The following PIR variants were observed in gnomAD, a reference collection of about 807,000 sequenced individuals.
The protein encoded by PIR is pirin, also known as pirin (iron-binding nuclear protein).
Under a neutral mutation model 24.2 loss-of-function variants are expected in PIR, and 22 were observed. The observed-to-expected ratio is 0.91, with a 90% CI of 0.65 to 1.30. The LOEUF is 1.30. Ranked by LOEUF, PIR falls within the 50% of genes most tolerant of loss-of-function variation. The probability of loss-of-function intolerance (pLI) is 0.00; values close to 1 mark genes in which losing one functional copy is unlikely to be tolerated. For missense variants in PIR, 220 were observed against 220.3 expected, an observed-to-expected ratio of 1.00 and a Z score of 0.01; for synonymous variants, 80 against 79.6, an observed-to-expected ratio of 1.00 and a Z score of -0.03.
At chrX:15,467,369 A>T (rs1258886044) in intron 3 of PIR, among the ~76,000 whole-genome samples, 1 of 112,518 alleles carries the variant, frequency 8.9e-6, no homozygotes, top group Non-Finnish European at 1.9e-5. Context: ...ATGTGCTGGG[A>T]GCACAGGGCT....
chrX:15,390,422 C>T lies in PIR; in HGVS notation c.694-171G>A, dbSNP rs148603205. On this transcript the variant is annotated intron_variant, in intron 8 of 9. Coordinates refer to ENST00000380420, the MANE Select transcript of PIR (RefSeq NM_001018109.3). ...TCAATATAGACATGTTTATTTCTTA[C>T]GTTGTTTAGTAGCAAGTAGAACTCA... is the stretch of plus-strand genomic sequence containing the variant. 4.7e-3 allele frequency among the ~76,000 whole-genome samples: 529 copies of T among 111,474 alleles called. 5 individuals carry two copies. Among genetic ancestry groups the T allele is most frequent in the East Asian group, 0.042 (149 of 3,551 alleles).
At chrX:15,470,600 C>CTTTTTT (rs1185040119) in intron 3 of PIR, among the ~76,000 whole-genome samples, 3 of 45,102 alleles carry the variant, frequency 6.7e-5, no homozygotes, top group African/African-American at 1.4e-4. Context: ...TTCTTTCTTT[C>CTTTTTT]TTTTTTTTTT....
In PIR at chrX:15,424,068, G is replaced by A. The variant is rs1925224606; in HGVS notation, c.565+1838C>T. On this transcript the variant is annotated intron_variant, in intron 6 of 9. Coordinates refer to ENST00000380420, the MANE Select transcript of PIR (RefSeq NM_001018109.3). ...TATAATCCAGCAATTCAACTACTGG[G>A]TACCTATTTAAAAGAAAGAAATCAA... Among the ~76,000 whole-genome samples the A allele has an allele frequency of 2.7e-5, 3 of 112,159 alleles. No individual in the cohort carries two copies. In the South Asian group the frequency reaches 1.1e-3, roughly 41 times the overall value.
chrX:15,429,994 TTTTG>T (rs749831214), intron 5 of PIR: 75 of 112,293 alleles, frequency 6.7e-4, no homozygotes, highest in African/African-American at 2.3e-3. Context: ...TCCTGTGTTG[TTTTG>T]TTTATTTTTA....
intron 5 of PIR, among the ~76,000 whole-genome samples, chrX:15,434,020 G>A (rs1925640644): frequency 1.9e-5 from 1 of 53,076 alleles, no homozygotes; most frequent in Non-Finnish European, 3.3e-5. Flanking sequence ...GAGGAGGAAG[G>A]AGAAAGAAGG....
intron 2 of PIR, among the ~76,000 whole-genome samples, chrX:15,483,882 A>G (rs939214711): frequency 8.9e-6 from 1 of 112,576 alleles, no homozygotes; most frequent in Admixed American, 9.4e-5. Context: ...GGTACAAAAC[A>G]AAGTGTTTGA....
At chrX:15,479,683 G>T in intron 3 of PIR, 46 bp downstream of exon 3, 1 of 591,704 alleles carries the variant, frequency 1.7e-6, no homozygotes, top group Non-Finnish European at 2.6e-6. Flanking sequence ...GAAGAAAGAG[G>T]TATGTTTCAA....
intron 5 of PIR, among the ~76,000 whole-genome samples, chrX:15,447,313 G>GT (rs57685043): frequency 0.25 from 25,907 of 104,729 alleles, 2,632 homozygotes; most frequent in East Asian, 0.5. Context: ...TGGTTTTTTG[G>GT]TTTTTTTTTT....
At chrX:15,413,112 T>C (rs946466459) in intron 6 of PIR, among the ~76,000 whole-genome samples, 3 of 112,421 alleles carry the variant, frequency 2.7e-5, no homozygotes, top group Non-Finnish European at 3.8e-5. Context: ...TTATATGTTT[T>C]TAATCTTCTC....
At position 15,427,693 on chromosome X, in the gene PIR, TACACAC is replaced by T. The variant is rs58998460; in HGVS notation, c.481-1709_481-1704del. On this transcript the variant is annotated intron_variant, in intron 5 of 9. Transcript: ENST00000380420. ...TATGAATATATGTACTGACAGTACA[TACACAC>T]ACACACACACACACACACACATATA... 1.1e-4 allele frequency among the ~76,000 whole-genome samples: 11 copies of T among 103,569 alleles called. No individual in the cohort carries two copies. The South Asian group carries it at 1.3e-3, about 12-fold the overall frequency. The allele number at this position is 103,569 out of a possible 115,157, so 89.9% of individuals were successfully genotyped here.
intron 7 of PIR, among the ~76,000 whole-genome samples, chrX:15,403,035 C>T (rs779684430): frequency 2.7e-5 from 3 of 111,574 alleles, no homozygotes; most frequent in Non-Finnish European, 5.6e-5. Flanking sequence ...CAGGGAGGAG[C>T]GGATCATCCT....
chrX:15,489,798 C>T (rs1488268062), intron 2 of PIR, among the ~76,000 whole-genome samples: 1 of 111,747 alleles, frequency 8.9e-6, no homozygotes. Flanking sequence ...ATCAACATTA[C>T]GCTAGGTGAA....
chrX:15,443,908 T>G (rs1188572547), intron 5 of PIR, among the ~76,000 whole-genome samples: 1 of 112,306 alleles, frequency 8.9e-6, no homozygotes, highest in Non-Finnish European at 1.9e-5. Flanking sequence ...CTTCATTAGA[T>G]GAGGAGATGA....
intron 9 of PIR, among the ~76,000 whole-genome samples, chrX:15,388,799 G>A (rs1319829486): frequency 1.8e-5 from 2 of 112,235 alleles, no homozygotes; most frequent in Non-Finnish European, 3.8e-5. Flanking sequence ...TCAAGAGATG[G>A]TTGTGGCTGC....
chrX:15,412,216 C>T (rs1924766326), intron 6 of PIR, among the ~76,000 whole-genome samples: 1 of 111,792 alleles, frequency 8.9e-6, no homozygotes, highest in Non-Finnish European at 1.9e-5. Flanking sequence ...AACCTGCGAT[C>T]ACACGCTGCA....
chrX:15,415,777 A>G (rs1029980645), intron 6 of PIR, among the ~76,000 whole-genome samples: 1 of 111,570 alleles, frequency 9.0e-6, no homozygotes, highest in Admixed American at 9.5e-5. Flanking sequence ...AAAAACAATT[A>G]AAAAAACCAT....
intron 8 of PIR, among the ~76,000 whole-genome samples, chrX:15,396,269 C>A (rs1196807581): frequency 9.0e-6 from 1 of 111,363 alleles, no homozygotes; most frequent in Non-Finnish European, 1.9e-5. Flanking sequence ...TAGTGCTCAT[C>A]AGGTTTTTCT....
In PIR at chrX:15,401,740, G is replaced by A. The variant is rs184774772; in HGVS notation, c.611-4209C>T. On this transcript the variant is annotated intron_variant, in intron 7 of 9. Coordinates refer to ENST00000380420, the MANE Select transcript of PIR (RefSeq NM_001018109.3). The stretch of plus-strand genomic sequence containing the variant: ...TTTGCCTAAATAGTCATAAAAGGGT[G>A]AAATACTTCAAAACCTATTGTAAAG... Among the ~76,000 whole-genome samples the A allele has an allele frequency of 1.1e-4, 12 of 112,008 alleles. No individual in the cohort carries two copies. In the East Asian group the frequency reaches 2.2e-3, roughly 21 times the overall value.
intron 6 of PIR, among the ~76,000 whole-genome samples, chrX:15,418,368 C>A (rs1259592295): frequency 2.7e-5 from 3 of 112,152 alleles, no homozygotes; most frequent in African/African-American, 9.7e-5. Context: ...TTAATGGTAA[C>A]AAACAGTGTT....
Sources: gnomAD v4.1 joint callset for allele counts (sites outside exome capture counted in the v4.1 genomes callset) on GRCh38, gnomAD v4.1.1 for gene constraint, MANE v1.5 for transcripts, NCBI Gene and HGNC (gene_info 2026-07-23, HGNC 2026-07-21) for gene names.